Variants in TNFSF4 observed in about 807,000 individuals in gnomAD.
TNFSF4 encodes TNF superfamily member 4.
A neutral mutation model predicts 7.3 loss-of-function variants in TNFSF4; 4 were observed. The ratio of observed to expected loss-of-function variants is 0.55; its 90% confidence interval spans 0.27 to 1.25. The LOEUF (loss-of-function observed/expected upper bound fraction) is 1.25. TNFSF4 is among the 50% of genes most tolerant of loss of function. The probability of loss-of-function intolerance (pLI) is 0.12; values close to 1 mark genes in which losing one functional copy is unlikely to be tolerated. For missense variants in TNFSF4, 181 were observed against 208.8 expected (o/e 0.87, Z 0.82); for synonymous variants, 76 against 83.7 (o/e 0.91, Z 0.50).
chr1:173,450,206 A>G, the TNFSF4 span, among the ~76,000 whole-genome samples: 1 of 152,182 alleles, frequency 6.6e-6, no homozygotes, highest in South Asian at 2.1e-4. Context: ...AAATTACCAA[A>G]TTCATTCAGG....
the TNFSF4 span, among the ~76,000 whole-genome samples, chr1:173,257,536 G>A: frequency 2.7e-4 from 41 of 152,184 alleles, no homozygotes; most frequent in Non-Finnish European, 4.7e-4. Context: ...CCACTATCCT[G>A]TCAGGTTAGA....
chr1:173,274,876 T>C, the TNFSF4 span, among the ~76,000 whole-genome samples: 1 of 152,112 alleles, frequency 6.6e-6, no homozygotes, highest in African/African-American at 2.4e-5. Flanking sequence ...AAGAGTATCT[T>C]TATTTTGCAT....
At chr1:173,449,228 G>A in the TNFSF4 span, among the ~76,000 whole-genome samples, 1 of 152,092 alleles carries the variant, frequency 6.6e-6, no homozygotes, top group African/African-American at 2.4e-5. Flanking sequence ...AGCTTCCTGA[G>A]GCCTCTTCTG....
chr1:173,340,248 C>A, the TNFSF4 span, among the ~76,000 whole-genome samples: 1 of 151,910 alleles, frequency 6.6e-6, no homozygotes, highest in Non-Finnish European at 1.5e-5. Context: ...GGATCTCTAG[C>A]TTGCCAACTG....
chr1:173,182,725 G>A (rs761458826), downstream of TNFSF4, among the ~76,000 whole-genome samples: 1 of 152,150 alleles, frequency 6.6e-6, no homozygotes, highest in Non-Finnish European at 1.5e-5. Context: ...GCTGAAAAAC[G>A]GTCTTAGGTA....
chr1:173,321,492 C>T, the TNFSF4 span, among the ~76,000 whole-genome samples: 1 of 152,066 alleles, frequency 6.6e-6, no homozygotes, highest in Non-Finnish European at 1.5e-5. Flanking sequence ...TCTAATTAAA[C>T]TAAAGAGCTT....
At chr1:173,350,381 T>C in the TNFSF4 span, among the ~76,000 whole-genome samples, 155 of 152,192 alleles carry the variant, frequency 1.0e-3, no homozygotes, top group Non-Finnish European at 1.9e-3. Context: ...GTAGAATCAG[T>C]ACTTCCTCCA....
the TNFSF4 span, among the ~76,000 whole-genome samples, chr1:173,234,593 C>A: frequency 2.0e-5 from 3 of 152,192 alleles, no homozygotes; most frequent in South Asian, 6.2e-4. Context: ...GGCACATATA[C>A]CCCATGGAAT....
the TNFSF4 span, among the ~76,000 whole-genome samples, chr1:173,267,321 T>C: frequency 6.6e-6 from 1 of 152,072 alleles, no homozygotes; most frequent in South Asian, 2.1e-4. Flanking sequence ...ACAAAACATA[T>C]TTTCTCCTAT....
chr1:173,255,233 G>A, the TNFSF4 span, among the ~76,000 whole-genome samples: 1 of 152,206 alleles, frequency 6.6e-6, no homozygotes, highest in African/African-American at 2.4e-5. Context: ...TAGGCTGTGT[G>A]CTTTACTTAT....
the TNFSF4 span, among the ~76,000 whole-genome samples, chr1:173,176,412 G>A: frequency 3.9e-5 from 6 of 152,184 alleles, no homozygotes; most frequent in Middle Eastern, 3.4e-3. Flanking sequence ...AATCAAAACC[G>A]CAGTGAGAGA....
the TNFSF4 span, among the ~76,000 whole-genome samples, chr1:173,314,287 A>T: frequency 0.012 from 1,881 of 152,198 alleles, 36 homozygotes; most frequent in African/African-American, 0.044. Context: ...TTGTTGTTTT[A>T]TAATCACGGT....
At position 173,185,871 on chromosome 1, in the gene TNFSF4, C is replaced by T. The variant is rs1256153436; in HGVS notation, c.*645G>A. The T allele has an allele frequency of 6.7e-6, 1 of 148,524 alleles. No individual in the cohort carries two copies. The highest frequency in any genetic ancestry group is 2.4e-5 in the African/African-American group (1 of 41,276). The allele number at this position is 148,524 out of a possible 1,614,324, so 9.2% of individuals were successfully genotyped here. ...TAACTATGTTTGGAGGCTGGGAAAG[C>T]AAAATGGTAAAGAAAAAAAGCACGT... On this transcript the variant is annotated 3_prime_UTR_variant, in exon 3 of 3. Coordinates refer to ENST00000281834, the MANE Select transcript of TNFSF4 (RefSeq NM_003326.5).
chr1:173,445,911 G>C, the TNFSF4 span, among the ~76,000 whole-genome samples: 2 of 152,076 alleles, frequency 1.3e-5, no homozygotes, highest in African/African-American at 4.8e-5. Flanking sequence ...GATAACATTG[G>C]AAGTATCACT....
intron 1 of TNFSF4, among the ~76,000 whole-genome samples, chr1:173,197,377 C>T (rs1428793603): frequency 6.6e-6 from 1 of 152,172 alleles, no homozygotes; most frequent in Non-Finnish European, 1.5e-5. Flanking sequence ...TACAAAGGTA[C>T]ATGCACACAT....
At chr1:173,370,556 T>C in the TNFSF4 span, among the ~76,000 whole-genome samples, 3 of 152,224 alleles carry the variant, frequency 2.0e-5, no homozygotes, top group African/African-American at 4.8e-5. Context: ...CAAGTGGCTA[T>C]GGGAGGCCTT....
the TNFSF4 span, among the ~76,000 whole-genome samples, chr1:173,345,873 C>T: frequency 1.3e-5 from 2 of 152,154 alleles, no homozygotes; most frequent in South Asian, 2.1e-4. Flanking sequence ...GAGGAAGACT[C>T]GGTGCAATCC....
At chr1:173,295,370 G>A in the TNFSF4 span, among the ~76,000 whole-genome samples, 84 of 152,088 alleles carry the variant, frequency 5.5e-4, no homozygotes, top group African/African-American at 1.8e-3. Context: ...AAATGGTGAT[G>A]TATCCATCCC....
chr1:173,282,349 A>C, the TNFSF4 span, among the ~76,000 whole-genome samples: 1 of 152,088 alleles, frequency 6.6e-6, no homozygotes, highest in Non-Finnish European at 1.5e-5. Flanking sequence ...AAATGAAATA[A>C]AAGTCTGTGT....
Sources: allele counts gnomAD v4.1 joint callset (sites outside exome capture counted in the v4.1 genomes callset), GRCh38; gene constraint gnomAD v4.1.1; transcripts MANE v1.5; gene names NCBI Gene and HGNC (gene_info 2026-07-23, HGNC 2026-07-21).